Variants in STOX1 observed in about 807,000 individuals in gnomAD.
The protein encoded by STOX1 is storkhead-box protein 1.
Under a neutral mutation model 74.8 loss-of-function variants are expected in STOX1, and 57 were observed. The ratio of observed to expected loss-of-function variants is 0.76; its 90% CI spans 0.62 to 0.95. STOX1 has a LOEUF of 0.95. Ranked by LOEUF, STOX1 falls within the 40% of genes least tolerant of loss-of-function variation. The probability of loss-of-function intolerance (pLI) is 0.00; values close to 1 mark genes in which losing one functional copy is unlikely to be tolerated. For missense variants in STOX1, 1,010 were observed against 1,117.0 expected (o/e 0.90, Z 1.37); for synonymous variants, 375 against 401.3 (o/e 0.93, Z 0.78).
chr10:68,847,960 A>T (rs1267476474), intron 1 of STOX1, among the ~76,000 whole-genome samples: 1 of 152,008 alleles, frequency 6.6e-6, no homozygotes, highest in Non-Finnish European at 1.5e-5. Flanking sequence ...CAAACTCCCG[A>T]CCTCAGGTGA....
chr10:68,855,149 CT>C (rs1840089207), intron 1 of STOX1, among the ~76,000 whole-genome samples: 1 of 145,180 alleles, frequency 6.9e-6, no homozygotes, highest in Non-Finnish European at 1.5e-5. Flanking sequence ...TTGAGATAGT[CT>C]TGCTCTGTCA....
At position 68,880,816 on chromosome 10, in the gene STOX1, C is replaced by T. The variant is rs189660952; in HGVS notation, c.311-1142C>T. Among the ~76,000 whole-genome samples, 168 of 152,254 alleles carry T rather than the reference C, an allele frequency of 1.1e-3. 1 individual carries two copies. The highest frequency in any genetic ancestry group is 0.01 in the Middle Eastern group (3 of 294). On this transcript the variant is annotated intron_variant, in intron 1 of 3. Coordinates refer to ENST00000298596, the MANE Select transcript of STOX1 (RefSeq NM_152709.5). Reference sequence around the variant, plus strand: ...TTAAGCAATTCTCCTGCCTCAGCCTCCTGAGTAGCTGGGATTACAGGAGCC... The same window carrying T: ...TTAAGCAATTCTCCTGCCTCAGCCTTCTGAGTAGCTGGGATTACAGGAGCC...
At chr10:68,879,445 C>A (rs536791736) in intron 1 of STOX1, among the ~76,000 whole-genome samples, 95 of 152,254 alleles carry the variant, frequency 6.2e-4, no homozygotes, top group Non-Finnish European at 1.2e-4. Flanking sequence ...GCATCTTCCT[C>A]ATTTGTAAGC....
chr10:68,839,109 A>G (rs1839631975), intron 1 of STOX1, among the ~76,000 whole-genome samples: 1 of 152,210 alleles, frequency 6.6e-6, no homozygotes, highest in African/African-American at 2.4e-5. Context: ...ATGCTACCCA[A>G]AGTGAGCTAC....
chr10:68,886,485 T>G lies in STOX1; in HGVS notation c.2689T>G (p.Phe897Val), dbSNP rs777738284. The G allele has an allele frequency of 5.0e-6, 8 of 1,613,878 alleles. No individual in the cohort carries two copies. The highest frequency in any genetic ancestry group is 6.8e-6 in the Non-Finnish European group (8 of 1,179,936). Residue 897 changes from phenylalanine (F) to valine (V), a missense_variant, in exon 3 of 4, where the codon TTC becomes GTC. By Grantham distance (50) the Phe-to-Val change is conservative (BLOSUM62 -1). Coordinates refer to ENST00000298596, the MANE Select transcript of STOX1 (RefSeq NM_152709.5). The part of the protein sequence containing the change: ...SPQNQEMRKH[F>V]PQKFQLFNTS... ...TCAGAATCAGGAAATGAGAAAACAT[T>G]TCCCACAAAAGTTCCAACTTTTCAA...
At chr10:68,865,416 G>A (rs538663286) in intron 1 of STOX1, among the ~76,000 whole-genome samples, 20 of 152,338 alleles carry the variant, frequency 1.3e-4, no homozygotes, top group East Asian at 3.9e-4. Context: ...TTGGGAGGCC[G>A]AGGCGTGTGG....
At chr10:68,846,618 A>G (rs1240917187) in intron 1 of STOX1, among the ~76,000 whole-genome samples, 3 of 152,094 alleles carry the variant, frequency 2.0e-5, no homozygotes, top group African/African-American at 7.2e-5. Flanking sequence ...CGATACCCCT[A>G]TGCTTTCTCC....
chr10:68,858,886 A>T (rs1485260948), intron 1 of STOX1, among the ~76,000 whole-genome samples: 3 of 152,088 alleles, frequency 2.0e-5, no homozygotes. Flanking sequence ...ATATGTGTAT[A>T]GTCTGGGCTA....
In STOX1 at chr10:68,885,727, GA is replaced by G; in HGVS notation, c.1932del (p.Gly645ValfsTer14). On this transcript the variant is annotated frameshift_variant, in exon 3 of 4. Transcript: ENST00000298596. LOFTEE classifies it high-confidence loss of function. Reference protein sequence around the residue: ...TKQTPHSLPSRGASFSDRTPS... With the variant: ...TKQTPHSLPSXGASFSDRTPS... The stretch of plus-strand genomic sequence containing the variant: ...CAGACTCCGCATAGTCTGCCATCAC[GA>G]GGTGCCTCCTTTTCAGACCGAACAC... 1 of 1,614,122 alleles carries G rather than the reference GA, an allele frequency of 6.2e-7. No individual in the cohort carries two copies. The highest frequency in any genetic ancestry group is 8.5e-7 in the Non-Finnish European group (1 of 1,180,036).
At chr10:68,870,867 A>G (rs1299976681) in intron 1 of STOX1, among the ~76,000 whole-genome samples, 1 of 152,216 alleles carries the variant, frequency 6.6e-6, no homozygotes, top group Non-Finnish European at 1.5e-5. Flanking sequence ...GAGTGAAAAC[A>G]TTCTACCCCC....
At chr10:68,842,698 C>A (rs934892283) in intron 1 of STOX1, among the ~76,000 whole-genome samples, 1 of 150,694 alleles carries the variant, frequency 6.6e-6, no homozygotes, top group African/African-American at 2.5e-5. Flanking sequence ...CGCCACCACA[C>A]CTGGCTCATT....
intron 1 of STOX1, among the ~76,000 whole-genome samples, chr10:68,839,644 C>G (rs1839644264): frequency 6.6e-6 from 1 of 152,186 alleles, no homozygotes; most frequent in Admixed American, 6.5e-5. Context: ...AATCCCAGCA[C>G]TTTGGGAGGC....
Position 68,845,220 on chromosome 10 carries a change from C to T in STOX1, c.310+17287C>T, listed in dbSNP as rs1275967402. ...CAAGGCTCAGGTGATCCTCCTGCCT[C>T]AGCACCCCCAAGTAGCTGGGACTAC... is the stretch of plus-strand genomic sequence containing the variant. On this transcript the variant is annotated intron_variant, in intron 1 of 3. Coordinates refer to ENST00000298596, the MANE Select transcript of STOX1 (RefSeq NM_152709.5). Among the ~76,000 whole-genome samples, 3 of 151,910 alleles carry T rather than the reference C, an allele frequency of 2.0e-5. No individual in the cohort carries two copies. In the East Asian group the frequency reaches 5.8e-4, roughly 29 times the overall value.
rs1839331288 is a variant in STOX1 at position 68,828,748 on chromosome 10, T to TTC, written c.310+817_310+818dup. The stretch of plus-strand genomic sequence containing the variant: ...AGCGAACGGCATTCTGGTTTTCATG[T>TTC]TCTGCAGTGTGGTGGTCTTGGGTCG... On this transcript the variant is annotated intron_variant, in intron 1 of 3. Coordinates refer to ENST00000298596, the MANE Select transcript of STOX1 (RefSeq NM_152709.5). Among the ~76,000 whole-genome samples the TTC allele has an allele frequency of 2.0e-5, 3 of 152,292 alleles. No homozygotes were observed. In the South Asian group the frequency reaches 6.2e-4, roughly 32 times the overall value.
Position 68,881,981 on chromosome 10 carries a change from A to G in STOX1, c.334A>G (p.Asn112Asp). 14 of 1,613,938 alleles carry G rather than the reference A, an allele frequency of 8.7e-6. No individual in the cohort carries two copies. The highest frequency in any genetic ancestry group is 1.2e-5 in the Non-Finnish European group (14 of 1,179,930). ...AVGDVFPVQM[N>D]PITQSQFVPL... ...AGGTGATGTCTTTCCAGTGCAAATG[A>G]ATCCAATAACTCAATCTCAGTTCGT... The change falls in exon 2 of 4, where the codon AAT (asparagine) becomes GAT (aspartate). Residue 112 changes from asparagine (N) to aspartate (D), a missense_variant. Transcript: ENST00000298596.
At chr10:68,833,815 G>C (rs191401476) in intron 1 of STOX1, among the ~76,000 whole-genome samples, 131 of 152,202 alleles carry the variant, frequency 8.6e-4, no homozygotes, top group African/African-American at 3.1e-3. Context: ...AATATGAGAG[G>C]GTCTGTCTCT....
At chr10:68,841,051 G>A (rs1268529578) in intron 1 of STOX1, among the ~76,000 whole-genome samples, 2 of 151,892 alleles carry the variant, frequency 1.3e-5, no homozygotes, top group Admixed American at 6.6e-5. Flanking sequence ...GAGTTCAAGC[G>A]ATTCTCCTGC....
intron 2 of STOX1, among the ~76,000 whole-genome samples, chr10:68,882,883 T>C (rs1840844969): frequency 1.3e-5 from 2 of 152,136 alleles, no homozygotes; most frequent in South Asian, 4.1e-4. Context: ...TGCTAACATA[T>C]ATTGATATGT....
intron 1 of STOX1, among the ~76,000 whole-genome samples, chr10:68,849,954 AG>A: frequency 6.6e-6 from 1 of 152,196 alleles, no homozygotes; most frequent in South Asian, 2.1e-4. Flanking sequence ...TAAAATGGCC[AG>A]TACCTGGAAA....
Sources: gnomAD v4.1 joint callset for allele counts (sites outside exome capture counted in the v4.1 genomes callset) on GRCh38, gnomAD v4.1.1 for gene constraint, MANE v1.5 for transcripts, NCBI Gene and HGNC (gene_info 2026-07-23, HGNC 2026-07-21) for gene names.